OSMR: variants seen among roughly 807,000 people sequenced by gnomAD.
The protein encoded by OSMR is oncostatin M receptor, also known as oncostatin-M-specific receptor subunit beta.
OSMR carries 81 observed loss-of-function variants against 99.9 expected under a neutral mutation model. The ratio of observed to expected loss-of-function variants is 0.81; its 90% CI spans 0.68 to 0.97. OSMR has a LOEUF of 0.97. Among genes scored for constraint, OSMR ranks in the 50% least tolerant of loss-of-function variants. OSMR has a pLI of 0.00. For synonymous variants in OSMR, 406 were observed against 410.4 expected (o/e 0.99, Z 0.13); for missense variants, 1,099 against 1,153.4 (o/e 0.95, Z 0.68).
chr5:38,917,694 C>G (rs1561400728), intron 10 of OSMR, 72 bp downstream of exon 10: 1 of 1,240,566 alleles, frequency 8.1e-7, no homozygotes, highest in Non-Finnish European at 1.2e-6. Context: ...GTGTCTTCCT[C>G]TGGAGAACTG....
chr5:38,886,843 T>C (rs1470498786), intron 7 of OSMR, among the ~76,000 whole-genome samples: 3 of 152,238 alleles, frequency 2.0e-5, no homozygotes, highest in Admixed American at 6.5e-5. Flanking sequence ...ACAATTGTTT[T>C]TCTTGCATAT....
intron 15 of OSMR, among the ~76,000 whole-genome samples, chr5:38,926,470 G>A (rs1746480313): frequency 6.6e-6 from 1 of 152,178 alleles, no homozygotes; most frequent in African/African-American, 2.4e-5. Context: ...ATGGCAGAAG[G>A]GAAAGCAAAC....
chr5:38,893,766 G>C (rs1018127729), intron 7 of OSMR, among the ~76,000 whole-genome samples: 3 of 152,088 alleles, frequency 2.0e-5, no homozygotes, highest in African/African-American at 7.2e-5. Flanking sequence ...GGGAATAATA[G>C]AATAAAACCT....
At chr5:38,865,059 G>T (rs77867511) in intron 1 of OSMR, among the ~76,000 whole-genome samples, 6,181 of 152,100 alleles carry the variant, frequency 0.041, 230 homozygotes, top group African/African-American at 0.095. Flanking sequence ...GCTCTTGATT[G>T]TATTTTTTAT....
intron 1 of OSMR, among the ~76,000 whole-genome samples, chr5:38,866,413 A>G (rs1313140915): frequency 1.3e-5 from 2 of 152,062 alleles, no homozygotes; most frequent in Non-Finnish European, 2.9e-5. Context: ...GCTGTCAGTG[A>G]CAGTGACCCC....
chr5:38,852,718 AT>A (rs61559728), intron 1 of OSMR, among the ~76,000 whole-genome samples: 198 of 70,630 alleles, frequency 2.8e-3, no homozygotes, highest in East Asian at 9.8e-3. Context: ...TATTGTTTTC[AT>A]TTTTTTTTTT....
chr5:38,944,660 G>C lies in OSMR; in HGVS notation c.*87-286G>C, dbSNP rs1747975437. On this transcript the variant is annotated intron_variant and NMD_transcript_variant, in intron 2 of 2. Transcript: ENST00000508882. ...AATTTATTTTTAAACTTCACCTAAA[G>C]ACCTAGAGATCAATTACACATGATC... The C allele has an allele frequency of 3.0e-5, 35 of 1,157,578 alleles. No individual in the cohort carries two copies. In the South Asian group the frequency reaches 5.3e-4, roughly 18 times the overall value. 71.7% of individuals were successfully genotyped at this position (1,157,578 alleles called of 1,614,324 possible).
At chr5:38,917,347 A>C (rs1469642321) in intron 9 of OSMR, 199 bp from the exon 10 acceptor site, 1 of 861,078 alleles carries the variant, frequency 1.2e-6, no homozygotes, top group African/African-American at 1.8e-5. Flanking sequence ...TTTATAAAGC[A>C]CTGTACTGTG....
chr5:38,851,469 AGGTGT>A (rs1476656639), intron 1 of OSMR, among the ~76,000 whole-genome samples: 1 of 152,116 alleles, frequency 6.6e-6, no homozygotes, highest in African/African-American at 2.4e-5. Flanking sequence ...GACCCAGTGC[AGGTGT>A]GATGCCTGTG....
chr5:38,942,571 C>A (rs947436976), intron 1 of OSMR, among the ~76,000 whole-genome samples: 2 of 151,064 alleles, frequency 1.3e-5, no homozygotes, highest in South Asian at 4.2e-4. Context: ...CCACCTCAGC[C>A]TCCCAAGTAG....
chr5:38,875,943 T>C (rs1742792631), intron 2 of OSMR: 1 of 155,116 alleles, frequency 6.4e-6, no homozygotes, highest in Non-Finnish European at 1.4e-5. Flanking sequence ...TCCTTCTGTT[T>C]TGTTTACCTG....
downstream of OSMR, chr5:38,945,161 C>A: frequency 1.1e-6 from 1 of 918,048 alleles, no homozygotes; most frequent in South Asian, 1.7e-5. Context: ...TATAAAATAA[C>A]ATCTTCTCTA....
chr5:38,872,485 C>G (rs1466920372), intron 2 of OSMR, among the ~76,000 whole-genome samples: 1 of 152,170 alleles, frequency 6.6e-6, no homozygotes, highest in Admixed American at 6.5e-5. Flanking sequence ...GAAACAGGCT[C>G]TTACAGCATG....
intron 1 of OSMR, among the ~76,000 whole-genome samples, chr5:38,864,321 T>C (rs1170691887): frequency 6.6e-6 from 1 of 152,194 alleles, no homozygotes; most frequent in Non-Finnish European, 1.5e-5. Context: ...TAGCTCTTTC[T>C]CATTTGTGTG....
At chr5:38,944,668 GATCA>G (rs1747977627) in intron 2 of OSMR, 1 of 1,081,396 alleles carries the variant, frequency 9.2e-7, no homozygotes, top group African/African-American at 1.6e-5. Context: ...AAGACCTAGA[GATCA>G]ATTACACATG....
chr5:38,932,792 T>C (rs2112708119), intron 17 of OSMR, 80 bp from the exon 18 acceptor site: 1 of 1,594,594 alleles, frequency 6.3e-7, no homozygotes, highest in East Asian at 2.3e-5. Context: ...TCTAAGTGTA[T>C]TTCACATGCT....
At chr5:38,908,544 G>A (rs935327785) in intron 9 of OSMR, among the ~76,000 whole-genome samples, 2 of 152,144 alleles carry the variant, frequency 1.3e-5, no homozygotes, top group Admixed American at 6.5e-5. Flanking sequence ...AGATCAGTTC[G>A]GCCTCTCCAA....
At chr5:38,913,892 G>A (rs192616686) in intron 9 of OSMR, among the ~76,000 whole-genome samples, 6 of 152,276 alleles carry the variant, frequency 3.9e-5, no homozygotes, top group East Asian at 1.9e-4. Context: ...GCTACTGTAC[G>A]CATTTGTTTG....
chr5:38,883,913 G>C lies in OSMR; in HGVS notation c.505G>C (p.Val169Leu). Residue 169 changes from valine (V) to leucine (L), a missense_variant, in exon 5 of 18, where the codon GTT becomes CTT. By Grantham distance (32) the Val-to-Leu change is conservative. Transcript: ENST00000274276. ...EEGTNVTICY[V>L]SRNIQNNVSC... ...AGGCACCAATGTTACCATTTGTTAC[G>C]TTTCTAGGAACATTCAAAATAATGT... is the stretch of plus-strand genomic sequence containing the variant. The C allele has an allele frequency of 1.2e-6, 2 of 1,613,604 alleles. No individual in the cohort carries two copies. The highest frequency in any genetic ancestry group is 1.7e-6 in the Non-Finnish European group (2 of 1,179,574).
Sources: gnomAD v4.1 joint callset for allele counts (sites outside exome capture counted in the v4.1 genomes callset) on GRCh38, gnomAD v4.1.1 for gene constraint, MANE v1.5 for transcripts, NCBI Gene and HGNC (gene_info 2026-07-23, HGNC 2026-07-21) for gene names.